Variants in NRN1L observed in about 807,000 individuals in gnomAD.
NRN1L encodes neuritin 1 like, also known as neuritin-like protein.
In NRN1L, 12 loss-of-function variants were observed where a neutral mutation model predicts 8.8. The ratio of observed to expected loss-of-function variants is 1.36; its 90% CI spans 0.87 to 2.20. NRN1L has a LOEUF of 2.20. Among genes scored for constraint, NRN1L ranks in the 30% most tolerant of loss-of-function variants. NRN1L has a pLI of 0.00. For missense variants in NRN1L, 266 were observed against 232.4 expected, an observed-to-expected ratio of 1.14 and a Z score of -0.94; for synonymous variants, 114 against 99.2, an observed-to-expected ratio of 1.15 and a Z score of -0.88.
chr16:67,885,590 T>C (rs767850950), intron 1 of NRN1L, 132 bp from the exon 2 acceptor site: 65 of 683,320 alleles, frequency 9.5e-5, no homozygotes, highest in Non-Finnish European at 1.4e-4. Context: ...TTTAGTTCCC[T>C]GGGGCACCCT....
At chr16:67,887,049 G>A (rs995437662), downstream of NRN1L, among the ~76,000 whole-genome samples, 4 of 152,204 alleles carry the variant, frequency 2.6e-5, no homozygotes, top group South Asian at 2.1e-4. Flanking sequence ...TCTGGAAGCC[G>A]TGGAACAAGA....
chr16:67,885,211 C>T, intron 1 of NRN1L: 1 of 598,728 alleles, frequency 1.7e-6, no homozygotes. Flanking sequence ...GGAGACATGC[C>T]AATGGCAGGA....
intron 1 of NRN1L, 83 bp downstream of exon 1, chr16:67,885,065 T>G: frequency 8.5e-7 from 1 of 1,177,930 alleles, no homozygotes; most frequent in Non-Finnish European, 1.2e-6. Flanking sequence ...GTGGGAACGC[T>G]GGGTGCCAGG....
chr16:67,887,367 G>A (rs1349931882), downstream of NRN1L, among the ~76,000 whole-genome samples: 1 of 151,774 alleles, frequency 6.6e-6, no homozygotes, highest in Non-Finnish European at 1.5e-5. Flanking sequence ...CTGCCTCCCG[G>A]GTTCAAGCAA....
rs773559030 is a variant in NRN1L, at chr16:67,886,176, G to T, written c.415G>T (p.Ala139Ser). Residue 139 changes from alanine to serine, a missense_variant, in exon 3 of 3, where the codon GCG becomes TCG. Coordinates refer to ENST00000339176, the MANE Select transcript of NRN1L (RefSeq NM_198443.2). ...CAACCAGGAGACGCTGCGGGCTACA[G>T]CGCCTGCACTCCCCATGGCCCCTGC... is the stretch of plus-strand genomic sequence containing the variant. ...ETNQETLRAT[A>S]PALPMAPAPP... 6.2e-7 allele frequency: 1 copy of T among 1,605,912 alleles called. No homozygotes were observed. The highest frequency in any genetic ancestry group is 1.7e-5 in the Admixed American group (1 of 59,832).
In NRN1L at chr16:67,885,730, C is replaced by G. The variant is rs1297550511; in HGVS notation, c.88C>G (p.Pro30Ala). 2.5e-6 allele frequency: 2 copies of G among 798,814 alleles called. No individual in the cohort carries two copies. Among genetic ancestry groups the G allele is most frequent in the South Asian group, 2.7e-5 (2 of 74,468 alleles). 49.5% of individuals were successfully genotyped at this position (798,814 alleles called of 1,614,324 possible). ...PLLLLPLVLL[P>A]PLAAAAAGPN... is the part of the protein sequence containing the mutation. ...CCCCGCCCCACTTCTAGTCCTTTTA[C>G]CTCCCCTGGCAGCAGCTGCAGCGGG... is the stretch of plus-strand genomic sequence containing the variant. The change falls in exon 2 of 3, where the codon CCT becomes GCT. Residue 30 changes from proline to alanine, a missense_variant. Pro to Ala is a conservative substitution (Grantham distance 27, BLOSUM62 -1). Transcript: ENST00000339176.
At chr16:67,886,692 G>A (rs890968587), downstream of NRN1L, among the ~76,000 whole-genome samples, 2 of 152,152 alleles carry the variant, frequency 1.3e-5, no homozygotes, top group Non-Finnish European at 1.5e-5. Flanking sequence ...CCTGGCCCCT[G>A]GGGGCCAGGT....
intron 1 of NRN1L, 71 bp downstream of exon 1, chr16:67,885,053 G>A (rs540250533): frequency 4.6e-6 from 6 of 1,312,288 alleles, no homozygotes; most frequent in African/African-American, 2.9e-5. Context: ...GGCATAGGGT[G>A]TGTGGGAACG....
chr16:67,885,078 G>A, intron 1 of NRN1L, 96 bp downstream of exon 1: 1 of 1,027,576 alleles, frequency 9.7e-7, no homozygotes, highest in Non-Finnish European at 1.5e-6. Flanking sequence ...GTGCCAGGGT[G>A]GAGAAGAGTT....
intron 2 of NRN1L, 48 bp from the exon 3 acceptor site, chr16:67,885,926 A>C (rs1468596776): frequency 1.3e-6 from 2 of 1,594,884 alleles, no homozygotes; most frequent in East Asian, 2.2e-5. Context: ...TTCCCAAGCT[A>C]AAGTCTCCTT....
Position 67,885,814 on chromosome 16 carries a change from GA to G in NRN1L, c.173del (p.Asp58AlafsTer104). The G allele has an allele frequency of 1.3e-6, 2 of 1,585,010 alleles. No homozygotes were observed. Among genetic ancestry groups the G allele is most frequent in the Non-Finnish European group, 1.7e-6 (2 of 1,167,474 alleles). ...CGCCGAGTGTCTCATCCGCTTGGGGGACAGCATGGGCCGCGGAGGCGAGCTG... is the reference window on the plus strand; with the variant it reads ...CGCCGAGTGTCTCATCCGCTTGGGGGCAGCATGGGCCGCGGAGGCGAGCTG... The part of the protein sequence containing the change: ...GFAECLIRLG[D>X]SMGRGGELET... On this transcript the variant is annotated frameshift_variant, in exon 2 of 3. Transcript: ENST00000339176. LOFTEE classifies it high-confidence loss of function.
intron 2 of NRN1L, 21 bp from the exon 3 acceptor site, chr16:67,885,953 C>T (rs771811015): frequency 8.1e-6 from 13 of 1,612,226 alleles, no homozygotes; most frequent in Non-Finnish European, 1.1e-5. Flanking sequence ...CCTAATCCCC[C>T]TAATCCCACT....
chr16:67,886,050 T>C lies in NRN1L; in HGVS notation c.289T>C (p.Ser97Pro). The stretch of plus-strand genomic sequence containing the variant: ...GGAGGAGGCAGCTGCAGTGTGGGAA[T>C]CACTACAGCAAGAAGCTCGCCAGGC... ...CPEEAAAVWE[S>P]LQQEARQAPR... Residue 97 changes from serine to proline, a missense_variant, in exon 3 of 3, where the codon TCA (serine) becomes CCA (proline). Ser to Pro is a moderately conservative substitution (Grantham distance 74, BLOSUM62 -1). Transcript: ENST00000339176. 6.2e-7 allele frequency: 1 copy of C among 1,613,974 alleles called. No homozygotes were observed. Among genetic ancestry groups the C allele is most frequent in the Non-Finnish European group, 8.5e-7 (1 of 1,179,900 alleles).
downstream of NRN1L, among the ~76,000 whole-genome samples, chr16:67,887,767 G>A (rs2058101330): frequency 6.6e-6 from 1 of 151,980 alleles, no homozygotes; most frequent in Non-Finnish European, 1.5e-5. Context: ...TGTATTTTTA[G>A]TAGACGGGGT....
At position 67,886,335 on chromosome 16, in the gene NRN1L, G is replaced by A; in HGVS notation, c.*76G>A. 7.8e-7 allele frequency: 1 copy of A among 1,277,014 alleles called. No homozygotes were observed. Among genetic ancestry groups the A allele is most frequent in the South Asian group, 1.5e-5 (1 of 66,866 alleles). The allele number at this position is 1,277,014 out of a possible 1,614,324, so 79.1% of individuals were successfully genotyped here. On this transcript the variant is annotated 3_prime_UTR_variant, in exon 3 of 3. Transcript: ENST00000339176. ...GGTTGTCCAGGCTCTGCAGAGCGCA[G>A]CAGGGCTTTTCATTAAAGGTATTTA... is the stretch of plus-strand genomic sequence containing the variant.
At position 67,885,807 on chromosome 16, in the gene NRN1L, C is replaced by G; in HGVS notation, c.165C>G (p.Arg55=). 1 of 1,587,490 alleles carries G rather than the reference C, an allele frequency of 6.3e-7. No individual in the cohort carries two copies. Among genetic ancestry groups the G allele is most frequent in the Non-Finnish European group, 8.6e-7 (1 of 1,168,990 alleles). The part of the protein sequence containing the change: ...IYQGFAECLI[R]LGDSMGRGGE... ...AGGGCTTCGCCGAGTGTCTCATCCGCTTGGGGGACAGCATGGGCCGCGGAG... is the reference window on the plus strand; with the variant it reads ...AGGGCTTCGCCGAGTGTCTCATCCGGTTGGGGGACAGCATGGGCCGCGGAG... The change falls in exon 2 of 3, where the codon CGC becomes CGG. Residue 55 remains arginine, a synonymous_variant. Coordinates refer to ENST00000339176, the MANE Select transcript of NRN1L (RefSeq NM_198443.2).
chr16:67,885,247 A>G, intron 1 of NRN1L: 2 of 583,320 alleles, frequency 3.4e-6, no homozygotes, highest in Non-Finnish European at 3.1e-6. Flanking sequence ...TAGGATCCCT[A>G]AGTCCTCTCT....
rs749098310 is a variant in NRN1L, at chr16:67,884,900, A to T, written c.-4A>T. ...TAGCTCCTGCACTAGGCTCTCAGCC[A>T]GGGATGATGCGCTGCTGCCGCCGCC... On this transcript the variant is annotated 5_prime_UTR_variant, in exon 1 of 3. Transcript: ENST00000339176. The surrounding 1 kb of genome is among the most constrained non-coding windows in gnomAD (Gnocchi z 4.1). 6.2e-7 allele frequency: 1 copy of T among 1,604,242 alleles called. No individual in the cohort carries two copies. The highest frequency in any genetic ancestry group is 2.2e-5 in the East Asian group (1 of 44,860).
chr16:67,886,059 CAAG>C lies in NRN1L; in HGVS notation c.302_304del (p.Glu101del). ...AGCTGCAGTGTGGGAATCACTACAGCAAGAAGCTCGCCAGGCCCCCCGTCCGAA... is the reference window on the plus strand; with the variant it reads ...AGCTGCAGTGTGGGAATCACTACAGCAAGCTCGCCAGGCCCCCCGTCCGAA... On this transcript the variant is annotated inframe_deletion, in exon 3 of 3. Transcript: ENST00000339176. 6.2e-7 allele frequency: 1 copy of C among 1,613,986 alleles called. No individual in the cohort carries two copies. The highest frequency in any genetic ancestry group is 8.5e-7 in the Non-Finnish European group (1 of 1,179,946).
Sources: allele counts gnomAD v4.1 joint callset (sites outside exome capture counted in the v4.1 genomes callset), GRCh38; gene constraint gnomAD v4.1.1; non-coding constraint Gnocchi (gnomAD v3.1); transcripts MANE v1.5; gene names NCBI Gene and HGNC (gene_info 2026-07-23, HGNC 2026-07-21).